PRR5L: variants seen among roughly 807,000 people sequenced by gnomAD.
PRR5L encodes the protein proline rich 5 like.
Under a neutral mutation model 36.4 loss-of-function variants are expected in PRR5L, and 21 were observed. The ratio of observed to expected loss-of-function variants is 0.58; its 90% CI spans 0.41 to 0.83. PRR5L has a LOEUF of 0.83. PRR5L is among the 40% of genes least tolerant of loss of function. The pLI is 0.00. For synonymous variants in PRR5L, 188 were observed against 197.0 expected (o/e 0.95, Z 0.38); for missense variants, 381 against 473.3 (o/e 0.80, Z 1.81).
chr11:36,309,632 T>C, intron 1 of PRR5L, among the ~76,000 whole-genome samples: 1 of 152,270 alleles, frequency 6.6e-6, no homozygotes, highest in East Asian at 1.9e-4. Flanking sequence ...AGCATGATGG[T>C]GGTGGTGGTA....
At chr11:36,430,185 A>G (rs562434986) in intron 4 of PRR5L, among the ~76,000 whole-genome samples, 5 of 152,140 alleles carry the variant, frequency 3.3e-5, no homozygotes, top group Non-Finnish European at 7.4e-5. Flanking sequence ...CGAGGTGGGC[A>G]GATCACTTAA....
intron 1 of PRR5L, among the ~76,000 whole-genome samples, chr11:36,370,514 T>G (rs1857186476): frequency 6.6e-6 from 1 of 152,194 alleles, no homozygotes; most frequent in African/African-American, 2.4e-5. Context: ...TTGACACCAA[T>G]AAGTGGCCAG....
chr11:36,455,463 T>A (rs1294122220), intron 8 of PRR5L: 2 of 152,884 alleles, frequency 1.3e-5, no homozygotes, highest in Non-Finnish European at 2.9e-5. Context: ...GAGGAGGGAA[T>A]AAAGCCTCCC....
intron 3 of PRR5L, 24 bp downstream of exon 3, chr11:36,403,402 G>A (rs1442257914): frequency 6.2e-7 from 1 of 1,604,704 alleles, no homozygotes; most frequent in Admixed American, 1.7e-5. Flanking sequence ...CAGACTTGGT[G>A]CCATTTTCCC....
intron 1 of PRR5L, among the ~76,000 whole-genome samples, chr11:36,315,857 C>A (rs1419335008): frequency 6.6e-6 from 1 of 152,112 alleles, no homozygotes; most frequent in Non-Finnish European, 1.5e-5. Context: ...AGTGTAGGTG[C>A]CTTCCCTGAA....
At chr11:36,327,538 A>G (rs1221357859) in intron 1 of PRR5L, among the ~76,000 whole-genome samples, 2 of 152,226 alleles carry the variant, frequency 1.3e-5, no homozygotes, top group African/African-American at 2.4e-5. Context: ...TCTCTCTTGT[A>G]GGAGAAATTT....
intron 1 of PRR5L, among the ~76,000 whole-genome samples, chr11:36,351,188 T>G (rs1856938190): frequency 1.1e-5 from 1 of 88,552 alleles, no homozygotes; most frequent in Non-Finnish European, 2.0e-5. Context: ...ATATTAATAT[T>G]ATTAATATAT....
At chr11:36,340,438 T>C (rs1856807044) in intron 1 of PRR5L, among the ~76,000 whole-genome samples, 1 of 152,198 alleles carries the variant, frequency 6.6e-6, no homozygotes, top group Non-Finnish European at 1.5e-5. Flanking sequence ...CTGATAATAA[T>C]GATACAGAGT....
chr11:36,446,511 G>A, intron 7 of PRR5L, 71 bp downstream of exon 7: 4 of 1,579,632 alleles, frequency 2.5e-6, no homozygotes, highest in Non-Finnish European at 3.5e-6. Flanking sequence ...TTTCTGAGAT[G>A]AGGGGGAAGG....
chr11:36,365,290 G>A (rs1857133078), intron 1 of PRR5L, among the ~76,000 whole-genome samples: 2 of 151,912 alleles, frequency 1.3e-5, no homozygotes, highest in African/African-American at 2.4e-5. Context: ...ACTATCAGCA[G>A]ACCAGTCATC....
At chr11:36,323,388 G>C (rs1856631050) in intron 1 of PRR5L, 1 of 152,238 alleles carries the variant, frequency 6.6e-6, no homozygotes, top group Non-Finnish European at 1.5e-5. Context: ...AAGGTAGCAG[G>C]GTTGAGCATC....
intron 1 of PRR5L, among the ~76,000 whole-genome samples, chr11:36,391,538 G>A (rs1488061874): frequency 1.3e-5 from 2 of 150,194 alleles, no homozygotes; most frequent in Non-Finnish European, 3.0e-5. Context: ...CCAGATAACT[G>A]AAGTTAACCC....
intron 3 of PRR5L, among the ~76,000 whole-genome samples, chr11:36,406,908 T>A (rs1175990648): frequency 6.6e-6 from 1 of 152,240 alleles, no homozygotes; most frequent in Non-Finnish European, 1.5e-5. Context: ...AAGACTGGGC[T>A]AGCTGTGTGA....
At chr11:36,449,128 G>A (rs1045070403) in intron 7 of PRR5L, among the ~76,000 whole-genome samples, 1 of 152,210 alleles carries the variant, frequency 6.6e-6, no homozygotes, top group Non-Finnish European at 1.5e-5. Flanking sequence ...GCCTGGGGCT[G>A]GGGATGTGAC....
intron 1 of PRR5L, among the ~76,000 whole-genome samples, chr11:36,347,744 C>T (rs750960417): frequency 1.3e-5 from 2 of 151,710 alleles, no homozygotes; most frequent in Non-Finnish European, 2.9e-5. Flanking sequence ...AGATGATGGT[C>T]CAGCCAGCAT....
intron 1 of PRR5L, among the ~76,000 whole-genome samples, chr11:36,365,404 A>C (rs1330426570): frequency 6.6e-6 from 1 of 152,234 alleles, no homozygotes; most frequent in Non-Finnish European, 1.5e-5. Flanking sequence ...TTTGACTGAC[A>C]GGGAATTCTT....
chr11:36,350,861 G>A (rs982541286), intron 1 of PRR5L, among the ~76,000 whole-genome samples: 3 of 142,926 alleles, frequency 2.1e-5, no homozygotes, highest in Non-Finnish European at 3.0e-5. Flanking sequence ...GCTGTGAATG[G>A]CATTATTTCA....
intron 1 of PRR5L, among the ~76,000 whole-genome samples, chr11:36,385,597 C>G (rs1301542277): frequency 6.6e-6 from 1 of 152,244 alleles, no homozygotes; most frequent in Non-Finnish European, 1.5e-5. Flanking sequence ...AGACTCTTCT[C>G]TCTGCACTCG....
At chr11:36,450,798 G>A (rs541152576) in intron 7 of PRR5L, among the ~76,000 whole-genome samples, 1 of 152,294 alleles carries the variant, frequency 6.6e-6, no homozygotes, top group Non-Finnish European at 1.5e-5. Flanking sequence ...CCACAGAAGG[G>A]GGATAATAAG....
Sources: gnomAD v4.1 joint callset for allele counts (sites outside exome capture counted in the v4.1 genomes callset) on GRCh38, gnomAD v4.1.1 for gene constraint, MANE v1.5 for transcripts, NCBI Gene and HGNC (gene_info 2026-07-23, HGNC 2026-07-21) for gene names.